CSE1L: variants seen among roughly 807,000 people sequenced by gnomAD.
The protein encoded by CSE1L is chromosome segregation 1 like.
A neutral mutation model predicts 120.4 loss-of-function variants in CSE1L; 24 were observed. That is an observed-to-expected ratio of 0.20 (90% CI 0.14 to 0.28). The LOEUF (loss-of-function observed/expected upper bound fraction) is 0.28, where lower values mean the gene tolerates loss of function less well. Among genes scored for constraint, CSE1L ranks in the 10% least tolerant of loss-of-function variants. CSE1L has a pLI of 1.00. For missense variants in CSE1L, 830 were observed against 1,145.2 expected (o/e 0.72, Z 3.97); for synonymous variants, 402 against 398.3 (o/e 1.01, Z -0.11).
intron 2 of CSE1L, among the ~76,000 whole-genome samples, chr20:49,061,651 C>T (rs1413292637): frequency 2.0e-5 from 3 of 151,618 alleles, no homozygotes; most frequent in Non-Finnish European, 4.4e-5. Flanking sequence ...TACAGGCGCC[C>T]GCCACCACAC....
chr20:49,063,128 A>G (rs1464363675), intron 2 of CSE1L, 74 bp from the exon 3 acceptor site: 2 of 632,122 alleles, frequency 3.2e-6, no homozygotes, highest in Non-Finnish European at 4.5e-6. Context: ...ATTTTTTTTT[A>G]TATATATATA....
chr20:49,058,982 T>G (rs1050109909), intron 2 of CSE1L, among the ~76,000 whole-genome samples: 1 of 151,934 alleles, frequency 6.6e-6, no homozygotes, highest in Non-Finnish European at 1.5e-5. Context: ...GTACAAAAAA[T>G]TAGCCGGGCG....
chr20:49,061,793 G>A (rs1269849577), intron 2 of CSE1L, among the ~76,000 whole-genome samples: 2 of 151,902 alleles, frequency 1.3e-5, no homozygotes, highest in East Asian at 1.9e-4. Context: ...GTGAGCCACC[G>A]CACCCGGCAA....
At chr20:49,089,212 A>G (rs1465928335) in intron 17 of CSE1L, 35 bp from the exon 18 acceptor site, 1 of 1,502,448 alleles carries the variant, frequency 6.7e-7, no homozygotes, top group South Asian at 1.3e-5. Flanking sequence ...GGTGTGGATT[A>G]TTAGCATAAT....
At chr20:49,064,876 T>C (rs1219742797) in intron 3 of CSE1L, among the ~76,000 whole-genome samples, 1 of 151,132 alleles carries the variant, frequency 6.6e-6, no homozygotes, top group Non-Finnish European at 1.5e-5. Context: ...CACAGAGGGC[T>C]GGGTATGGTG....
rs140805706 is a variant in CSE1L, at chr20:49,091,117, T to G, written c.2365+95T>G. 2,608 of 915,260 alleles carry G rather than the reference T, an allele frequency of 2.8e-3. 9 individuals are homozygous for G. Among genetic ancestry groups the G allele is most frequent in the Non-Finnish European group, 4.1e-3 (2,372 of 581,994 alleles). The allele number at this position is 915,260 out of a possible 1,614,324, so 56.7% of individuals were successfully genotyped here. A position where few individuals can be genotyped will look rare whatever the true frequency, so the allele number is the denominator to read the frequency against. On this transcript the variant is annotated intron_variant, in intron 21 of 24. Coordinates refer to ENST00000262982, the MANE Select transcript of CSE1L (RefSeq NM_001316.4). ...GTTGCAGATACATTTTTTATCCGTTTTAAACTTTATGCAAAAAATACTTGG... is the reference window on the plus strand; with the variant it reads ...GTTGCAGATACATTTTTTATCCGTTGTAAACTTTATGCAAAAAATACTTGG...
At chr20:49,093,581 CTTT>C (rs34055967) in intron 22 of CSE1L, among the ~76,000 whole-genome samples, 1 of 87,492 alleles carries the variant, frequency 1.1e-5, no homozygotes, top group Non-Finnish European at 2.2e-5. Context: ...TTTTTTTTTT[CTTT>C]TTTTTTTTTG....
intron 8 of CSE1L, among the ~76,000 whole-genome samples, 165 bp downstream of exon 8, chr20:49,070,462 A>G (rs1385307495): frequency 6.6e-6 from 1 of 152,250 alleles, no homozygotes; most frequent in Non-Finnish European, 1.5e-5. Flanking sequence ...TGTAGTATAC[A>G]GAATTACTCT....
Position 49,074,846 on chromosome 20 carries a change from A to C in CSE1L, c.1128A>C (p.Gly376=). The C allele has an allele frequency of 3.1e-6, 5 of 1,611,736 alleles. No individual in the cohort carries two copies. Among genetic ancestry groups the C allele is most frequent in the Non-Finnish European group, 4.2e-6 (5 of 1,179,184 alleles). ...AGTACATAAGGAGAGATTTGGAAGGATCTGGTGTGTATCTTGGTTTTTTAG... is the reference window on the plus strand; with the variant it reads ...AGTACATAAGGAGAGATTTGGAAGGCTCTGGTGTGTATCTTGGTTTTTTAG... The part of the protein sequence containing the change: ...SEEYIRRDLE[G]SDIDTRRRAA... Residue 376 remains glycine, a synonymous_variant, in exon 11 of 25, where the codon GGA becomes GGC. Transcript: ENST00000262982.
chr20:49,077,833 G>A (rs147510807), intron 13 of CSE1L, among the ~76,000 whole-genome samples: 3 of 152,120 alleles, frequency 2.0e-5, no homozygotes, highest in East Asian at 1.9e-4. Flanking sequence ...GTGAAACCCC[G>A]TCTCTACTAA....
At chr20:49,095,170 AT>A (rs1160883087) in intron 24 of CSE1L, 1 of 675,758 alleles carries the variant, frequency 1.5e-6, no homozygotes. Flanking sequence ...AAGTGAATGG[AT>A]TTAGGAGTGA....
At position 49,096,384 on chromosome 20, in the gene CSE1L, A is replaced by G; in HGVS notation, c.2862A>G (p.Glu954=). 1 of 1,614,166 alleles carries G rather than the reference A, an allele frequency of 6.2e-7. No homozygotes were observed. Among genetic ancestry groups the G allele is most frequent in the Non-Finnish European group, 8.5e-7 (1 of 1,180,010 alleles). The change falls in exon 25 of 25, where the codon GAA becomes GAG. Residue 954 remains glutamate (E), a synonymous_variant. Coordinates refer to ENST00000262982, the MANE Select transcript of CSE1L (RefSeq NM_001316.4). ...TGGTGAGCACCAGCCTGAATGCAGAAGCGCTCCAGTATCTCCAAGGGTACC... is the reference window on the plus strand; with the variant it reads ...TGGTGAGCACCAGCCTGAATGCAGAGGCGCTCCAGTATCTCCAAGGGTACC... The part of the protein sequence containing the change: ...PSMVSTSLNA[E]ALQYLQGYLQ...
At chr20:49,094,660 T>C in intron 23 of CSE1L, 72 bp from the exon 24 acceptor site, 1 of 1,016,500 alleles carries the variant, frequency 9.8e-7, no homozygotes. Context: ...TTTGTGTCTC[T>C]GAGCAATTGC....
At chr20:49,053,419 C>T (rs530331506) in intron 1 of CSE1L, among the ~76,000 whole-genome samples, 1 of 134,312 alleles carries the variant, frequency 7.4e-6, no homozygotes, top group African/African-American at 2.8e-5. Context: ...AGTGCAATGG[C>T]GCAATCTCGC....
chr20:49,047,091 C>T (rs546088491), intron 1 of CSE1L, among the ~76,000 whole-genome samples: 148 of 152,302 alleles, frequency 9.7e-4, no homozygotes, highest in Non-Finnish European at 1.6e-3. Context: ...AGGGTTCCCT[C>T]GTTTTGGGAG....
chr20:49,063,187 A>G lies in CSE1L; in HGVS notation c.86-15A>G. 1 of 1,542,290 alleles carries G rather than the reference A, an allele frequency of 6.5e-7. No homozygotes were observed. Among genetic ancestry groups the G allele is most frequent in the East Asian group, 2.3e-5 (1 of 42,626 alleles). On this transcript the variant is annotated splice_polypyrimidine_tract_variant and intron_variant, in intron 2 of 24. Coordinates refer to ENST00000262982, the MANE Select transcript of CSE1L (RefSeq NM_001316.4). Reference sequence around the variant, plus strand: ...ATTTTTATCTTAGTCTTTTAACATGAAAATTCTTTTACAGCTGAGAAATTT... The same window carrying G: ...ATTTTTATCTTAGTCTTTTAACATGGAAATTCTTTTACAGCTGAGAAATTT...
At chr20:49,066,798 G>A (rs2091895679) in intron 5 of CSE1L, among the ~76,000 whole-genome samples, 1 of 152,090 alleles carries the variant, frequency 6.6e-6, no homozygotes, top group Non-Finnish European at 1.5e-5. Flanking sequence ...GGAGGGCAAA[G>A]TGGGCGGATC....
At chr20:49,081,158 CT>C (rs1310465440) in intron 14 of CSE1L, among the ~76,000 whole-genome samples, 2 of 151,724 alleles carry the variant, frequency 1.3e-5, no homozygotes, top group Admixed American at 1.3e-4. Flanking sequence ...TAATTTTTGT[CT>C]TGTTAGAAGA....
At chr20:49,055,141 A>G (rs1451801789) in intron 1 of CSE1L, among the ~76,000 whole-genome samples, 1 of 152,234 alleles carries the variant, frequency 6.6e-6, no homozygotes, top group Non-Finnish European at 1.5e-5. Context: ...GCACCCTGTA[A>G]TCAAACGTAT....
Sources: allele counts gnomAD v4.1 joint callset (sites outside exome capture counted in the v4.1 genomes callset), GRCh38; gene constraint gnomAD v4.1.1; transcripts MANE v1.5; gene names NCBI Gene and HGNC (gene_info 2026-07-23, HGNC 2026-07-21).